Variants in TCERG1L observed in about 807,000 individuals in gnomAD.
The protein encoded by TCERG1L is transcription elongation regulator 1-like protein.
In TCERG1L, 37 loss-of-function variants were observed where a neutral mutation model predicts 56.3. The observed-to-expected ratio is 0.66, with a 90% CI of 0.51 to 0.87. TCERG1L has a LOEUF of 0.87. Ranked by LOEUF, TCERG1L falls within the 40% of genes least tolerant of loss-of-function variation. The pLI is 0.00. For missense variants in TCERG1L, 799 were observed against 774.2 expected (o/e 1.03, Z -0.38); for synonymous variants, 324 against 326.3 (o/e 0.99, Z 0.08).
chr10:131,226,564 A>G (rs948961441), intron 4 of TCERG1L, among the ~76,000 whole-genome samples: 1 of 152,266 alleles, frequency 6.6e-6, no homozygotes, highest in Non-Finnish European at 1.5e-5. Flanking sequence ...ATTCAGCAGA[A>G]GCAAGCTTTC....
In TCERG1L at chr10:131,311,299, C is replaced by A. The variant is rs1446670383; in HGVS notation, c.337G>T (p.Gly113Trp). 3 of 1,205,996 alleles carry A rather than the reference C, an allele frequency of 2.5e-6. No homozygotes were observed. Among genetic ancestry groups the A allele is most frequent in the Non-Finnish European group, 3.1e-6 (3 of 971,884 alleles). The allele number at this position is 1,205,996 out of a possible 1,614,324, so 74.7% of individuals were successfully genotyped here. ...GCGGGACGGGGACACGTTACCTGCC[C>A]GTGGAGCGCGGGGAAGGGGTGCGCG... ...AAAHPFPALH[G>W]QWLFGGHSPS... is the part of the protein sequence containing the mutation. Residue 113 changes from glycine (G) to tryptophan (W), a missense_variant, in exon 1 of 12, where the codon GGG becomes TGG. Physicochemically the swap from Gly to Trp is radical, Grantham distance 184 (BLOSUM62 -2). Transcript: ENST00000368642. This position sits in a 1 kb window ranked among gnomAD's most constrained non-coding sequence, Gnocchi z 4.0.
intron 4 of TCERG1L, among the ~76,000 whole-genome samples, chr10:131,189,343 C>T (rs1369108544): frequency 6.6e-6 from 1 of 152,170 alleles, no homozygotes; most frequent in Non-Finnish European, 1.5e-5. Flanking sequence ...ACTGCCTCAC[C>T]TCCAAGTCCC....
At position 131,255,580 on chromosome 10, in the gene TCERG1L, C is replaced by G. The variant is rs536055563; in HGVS notation, c.856+4679G>C. On this transcript the variant is annotated intron_variant, in intron 4 of 11. Coordinates refer to ENST00000368642, the MANE Select transcript of TCERG1L (RefSeq NM_174937.4). ...GTCTATTGTATTAGTATTCTCTATA[C>G]TGGACATAACCTTAGGCACGCTGTG... Among the ~76,000 whole-genome samples the G allele has an allele frequency of 9.2e-5, 14 of 152,340 alleles. 1 individual carries two copies. In the South Asian group the frequency reaches 2.5e-3, roughly 27 times the overall value.
chr10:131,219,614 T>C (rs1010479118), intron 4 of TCERG1L, among the ~76,000 whole-genome samples: 1 of 152,186 alleles, frequency 6.6e-6, no homozygotes, highest in Non-Finnish European at 1.5e-5. Flanking sequence ...TGATCCTTTG[T>C]CCATGTCTCC....
At chr10:131,158,412 C>T (rs142444788) in intron 6 of TCERG1L, among the ~76,000 whole-genome samples, 14 of 152,312 alleles carry the variant, frequency 9.2e-5, no homozygotes, top group African/African-American at 1.9e-4. Flanking sequence ...ATTTCTTAGC[C>T]GTAGTTTTAT....
At chr10:131,213,785 C>T (rs1845641048) in intron 4 of TCERG1L, among the ~76,000 whole-genome samples, 1 of 152,216 alleles carries the variant, frequency 6.6e-6, no homozygotes, top group Admixed American at 6.5e-5. Context: ...CAAGAATCCC[C>T]TCAACCTGAG....
At chr10:131,261,974 G>A (rs191862930) in intron 3 of TCERG1L, among the ~76,000 whole-genome samples, 3 of 152,338 alleles carry the variant, frequency 2.0e-5, no homozygotes, top group African/African-American at 4.8e-5. Context: ...CGAAGGCCCC[G>A]TGGCCAGTGC....
intron 5 of TCERG1L, chr10:131,164,126 T>TAAAAAAAAAAAAAAAAA (rs11327805): frequency 1.1e-5 from 1 of 93,300 alleles, no homozygotes; most frequent in Non-Finnish European, 2.1e-5. Flanking sequence ...GACTCTGTCT[T>TAAAAAAAAAAAAAAAAA]AAAAAAAAAA....
In TCERG1L at chr10:131,193,567, A is replaced by G. The variant is rs557409387; in HGVS notation, c.857-26682T>C. Among the ~76,000 whole-genome samples the G allele has an allele frequency of 2.0e-5, 3 of 152,300 alleles. No homozygotes were observed. The South Asian group carries it at 6.2e-4, about 32-fold the overall frequency. ...CAGTTTCACTTGTCTGCTCATGGCT[A>G]GCCAATGTTCCCAGCACCATTTATG... On this transcript the variant is annotated intron_variant, in intron 4 of 11. Coordinates refer to ENST00000368642, the MANE Select transcript of TCERG1L (RefSeq NM_174937.4).
chr10:131,228,943 C>A (rs1845821937), intron 4 of TCERG1L, among the ~76,000 whole-genome samples: 1 of 107,006 alleles, frequency 9.3e-6, no homozygotes, highest in Non-Finnish European at 1.9e-5. Flanking sequence ...CCGGAGTCTC[C>A]CCTCCAGACA....
chr10:131,296,978 G>A (rs1310366749), intron 3 of TCERG1L, among the ~76,000 whole-genome samples: 1 of 152,158 alleles, frequency 6.6e-6, no homozygotes, highest in Non-Finnish European at 1.5e-5. Context: ...CGTATTAGTA[G>A]CTTTTGGTAG....
intron 3 of TCERG1L, among the ~76,000 whole-genome samples, chr10:131,280,616 T>C (rs1846440974): frequency 6.6e-6 from 1 of 152,200 alleles, no homozygotes; most frequent in African/African-American, 2.4e-5. Flanking sequence ...CTTTTCCCTT[T>C]AGCTTGGTAA....
intron 8 of TCERG1L, among the ~76,000 whole-genome samples, chr10:131,117,305 T>C (rs1845469647): frequency 6.6e-6 from 1 of 152,248 alleles, no homozygotes; most frequent in African/African-American, 2.4e-5. Context: ...CCTCAGGTGC[T>C]GCTGCAGAGA....
intron 7 of TCERG1L, among the ~76,000 whole-genome samples, chr10:131,140,918 C>T (rs1845730889): frequency 6.6e-6 from 1 of 152,158 alleles, no homozygotes; most frequent in African/African-American, 2.4e-5. Flanking sequence ...TTGATCCACC[C>T]CACTCCACCA....
chr10:131,223,644 TCACACACATGCTCAGACATGCA>T (rs1023968207), intron 4 of TCERG1L, among the ~76,000 whole-genome samples: 7 of 151,684 alleles, frequency 4.6e-5, no homozygotes, highest in Non-Finnish European at 8.8e-5. Context: ...ACACTCATGC[TCACACACATGCTCAGACATGCA>T]CACACACATG....
chr10:131,235,397 T>C (rs1446753173), intron 4 of TCERG1L, among the ~76,000 whole-genome samples: 1 of 152,220 alleles, frequency 6.6e-6, no homozygotes, highest in Non-Finnish European at 1.5e-5. Flanking sequence ...CAGGGCAGCA[T>C]CTATAAAAGG....
intron 4 of TCERG1L, among the ~76,000 whole-genome samples, chr10:131,242,610 G>T (rs116449185): frequency 6.6e-6 from 1 of 152,172 alleles, no homozygotes; most frequent in East Asian, 1.9e-4. Flanking sequence ...AACCAGAAGC[G>T]TTTCAGATTT....
intron 6 of TCERG1L, among the ~76,000 whole-genome samples, chr10:131,151,690 G>A (rs887068614): frequency 6.6e-6 from 1 of 152,168 alleles, no homozygotes; most frequent in Non-Finnish European, 1.5e-5. Flanking sequence ...CCACTAGGCA[G>A]TGCCCCAGTA....
intron 4 of TCERG1L, among the ~76,000 whole-genome samples, chr10:131,251,937 T>C (rs1034267636): frequency 6.6e-6 from 1 of 152,178 alleles, no homozygotes; most frequent in Non-Finnish European, 1.5e-5. Context: ...AATGACTTTC[T>C]GTTCCTCTTC....
Sources: allele counts gnomAD v4.1 joint callset (sites outside exome capture counted in the v4.1 genomes callset), GRCh38; gene constraint gnomAD v4.1.1; non-coding constraint Gnocchi (gnomAD v3.1); transcripts MANE v1.5; gene names NCBI Gene and HGNC (gene_info 2026-07-23, HGNC 2026-07-21).